Variants in SIAH3 observed in about 807,000 individuals in gnomAD.
SIAH3 encodes the protein seven in absentia homolog 3.
SIAH3 carries 9 observed loss-of-function variants against 12.6 expected under a neutral mutation model. That is an observed-to-expected ratio of 0.72 (90% CI 0.43 to 1.25). SIAH3 has a LOEUF of 1.25. SIAH3 is among the 50% of genes most tolerant of loss of function. The pLI is 0.00. For synonymous variants in SIAH3, 154 were observed against 151.1 expected (o/e 1.02, Z -0.14); for missense variants, 390 against 365.4 (o/e 1.07, Z -0.55).
At chr13:45,839,002 C>T (rs1189677804) in intron 1 of SIAH3, among the ~76,000 whole-genome samples, 1 of 151,944 alleles carries the variant, frequency 6.6e-6, no homozygotes, top group African/African-American at 2.4e-5. Flanking sequence ...TACCAGAAAC[C>T]AAGGTAGAAG....
chr13:45,840,865 G>T (rs571007668), intron 1 of SIAH3, among the ~76,000 whole-genome samples: 89 of 152,308 alleles, frequency 5.8e-4, no homozygotes, highest in Non-Finnish European at 9.4e-4. Flanking sequence ...TTTAAAAAAG[G>T]TTCTGCCACA....
chr13:45,814,019 A>G (rs1372548227), intron 1 of SIAH3, among the ~76,000 whole-genome samples: 1 of 152,094 alleles, frequency 6.6e-6, no homozygotes, highest in Non-Finnish European at 1.5e-5. Context: ...CAGGCGGATC[A>G]TGAGGCCAGG....
At chr13:45,848,489 G>A (rs1269738697) in intron 1 of SIAH3, among the ~76,000 whole-genome samples, 1 of 152,190 alleles carries the variant, frequency 6.6e-6, no homozygotes, top group Non-Finnish European at 1.5e-5. Flanking sequence ...TAGAAGGAAA[G>A]GCATCAGCTT....
Position 45,837,172 on chromosome 13 carries a change from A to AG in SIAH3, c.135+14322dup, listed in dbSNP as rs201905565. ...ACTCCCAAATCTTTTGGGGAGATCTAGGGGGCAAAGGAGGAAACCAATCTT... is the reference window on the plus strand; with the variant it reads ...ACTCCCAAATCTTTTGGGGAGATCTAGGGGGGCAAAGGAGGAAACCAATCTT... On this transcript the variant is annotated intron_variant, in intron 1 of 1. Coordinates refer to ENST00000400405, the MANE Select transcript of SIAH3 (RefSeq NM_198849.3). Among the ~76,000 whole-genome samples the AG allele has an allele frequency of 8.6e-3, 1,304 of 152,238 alleles. 22 individuals carry two copies. Among genetic ancestry groups the AG allele is most frequent in the African/African-American group, 0.029 (1,225 of 41,548 alleles).
At chr13:45,799,401 C>T (rs1014420944) in intron 1 of SIAH3, among the ~76,000 whole-genome samples, 2 of 152,142 alleles carry the variant, frequency 1.3e-5, no homozygotes, top group African/African-American at 4.8e-5. Flanking sequence ...TGGTGCAATC[C>T]ATTTAGAAGA....
intron 1 of SIAH3, among the ~76,000 whole-genome samples, chr13:45,829,993 C>T (rs1386547989): frequency 3.9e-5 from 6 of 152,150 alleles, no homozygotes; most frequent in Admixed American, 6.5e-5. Context: ...GAAGCATGAA[C>T]CATTTGTCTA....
At position 45,779,330 on chromosome 13, in the gene SIAH3, G is replaced by T. The variant is rs1222162426; in HGVS notation, c.*4053C>A. ...ACTGTACTTAATTAACAATCAGCTTGCAAAATTCCTGAAAGATTAACAACC... is the reference window on the plus strand; with the variant it reads ...ACTGTACTTAATTAACAATCAGCTTTCAAAATTCCTGAAAGATTAACAACC... On this transcript the variant is annotated 3_prime_UTR_variant, in exon 2 of 2. Coordinates refer to ENST00000400405, the MANE Select transcript of SIAH3 (RefSeq NM_198849.3). 1 of 152,036 alleles carries T rather than the reference G, an allele frequency of 6.6e-6. No homozygotes were observed. Among genetic ancestry groups the T allele is most frequent in the African/African-American group, 2.4e-5 (1 of 41,370 alleles). The allele number at this position is 152,036 out of a possible 1,614,324, so 9.4% of individuals were successfully genotyped here.
At chr13:45,851,382 C>G (rs1452511890) in intron 1 of SIAH3, 113 bp downstream of exon 1, 6 of 1,416,510 alleles carry the variant, frequency 4.2e-6, no homozygotes, top group Non-Finnish European at 4.9e-6. Context: ...CCGTCCCAGC[C>G]CCCGAGACCC....
chr13:45,816,654 G>T (rs544745785), intron 1 of SIAH3, among the ~76,000 whole-genome samples: 1 of 152,178 alleles, frequency 6.6e-6, no homozygotes, highest in Non-Finnish European at 1.5e-5. Flanking sequence ...TTGCTGCTGC[G>T]CTCAGGCTGC....
rs143225600 is a variant in SIAH3, at chr13:45,786,365, T to C, written c.136-2308A>G. Among the ~76,000 whole-genome samples, 1,053 of 152,344 alleles carry C rather than the reference T, an allele frequency of 6.9e-3. 20 individuals carry two copies. The highest frequency in any genetic ancestry group is 0.024 in the African/African-American group (1,009 of 41,576). ...CAACAATCAGGAGAGAAACATTTTA[T>C]GTTTGTCTTATAAATGAAGAAACAG... On this transcript the variant is annotated intron_variant, in intron 1 of 1. Transcript: ENST00000400405.
chr13:45,851,681 G>T lies in SIAH3; in HGVS notation c.-52C>A. 3 of 1,612,364 alleles carry T rather than the reference G, an allele frequency of 1.9e-6. No individual in the cohort carries two copies. The highest frequency in any genetic ancestry group is 2.5e-6 in the Non-Finnish European group (3 of 1,179,052). Reference sequence around the variant, plus strand: ...GGGAAGGCAGCGGAGGAAGCTGTGAGTCCTTGGGCCCTGGAAGGAGCGCAG... The same window carrying T: ...GGGAAGGCAGCGGAGGAAGCTGTGATTCCTTGGGCCCTGGAAGGAGCGCAG... On this transcript the variant is annotated 5_prime_UTR_variant, in exon 1 of 2. Coordinates refer to ENST00000400405, the MANE Select transcript of SIAH3 (RefSeq NM_198849.3).
chr13:45,804,745 G>T (rs912195868), intron 1 of SIAH3, among the ~76,000 whole-genome samples: 2 of 152,000 alleles, frequency 1.3e-5, no homozygotes, highest in African/African-American at 2.4e-5. Flanking sequence ...GGAAATAAAA[G>T]GTATCCAAAC....
intron 1 of SIAH3, among the ~76,000 whole-genome samples, chr13:45,785,498 G>C (rs2137548044): frequency 6.6e-6 from 1 of 152,332 alleles, no homozygotes; most frequent in African/African-American, 2.4e-5. Context: ...GAGCCAGCTA[G>C]CTTCCTTTCT....
intron 1 of SIAH3, among the ~76,000 whole-genome samples, chr13:45,837,719 C>T (rs561255767): frequency 6.4e-4 from 97 of 152,220 alleles, no homozygotes; most frequent in African/African-American, 1.9e-3. Flanking sequence ...TTATATTTAC[C>T]ATATTAATTC....
intron 1 of SIAH3, among the ~76,000 whole-genome samples, chr13:45,798,911 T>A (rs1210688009): frequency 1.3e-5 from 2 of 152,216 alleles, no homozygotes; most frequent in Non-Finnish European, 2.9e-5. Flanking sequence ...AACAAATTGG[T>A]GATGGCACTA....
At chr13:45,814,130 T>A (rs2137565928) in intron 1 of SIAH3, among the ~76,000 whole-genome samples, 1 of 150,104 alleles carries the variant, frequency 6.7e-6, no homozygotes, top group South Asian at 2.1e-4. Flanking sequence ...TCCCAGCTAC[T>A]CGGGAGGCTG....
rs73173798 is a variant in SIAH3 at position 45,817,513 on chromosome 13, G to A, written c.136-33456C>T. On this transcript the variant is annotated intron_variant, in intron 1 of 1. Coordinates refer to ENST00000400405, the MANE Select transcript of SIAH3 (RefSeq NM_198849.3). ...TAAATTAAGGATTTTGAGATGTGGA[G>A]ATATCCTGGATTCTATCCGGGTGGG... 9.8e-3 allele frequency among the ~76,000 whole-genome samples: 1,498 copies of A among 152,316 alleles called. 7 individuals are homozygous for A. Among genetic ancestry groups the A allele is most frequent in the Non-Finnish European group, 0.015 (1,031 of 68,018 alleles).
chr13:45,786,132 C>G (rs184403243), intron 1 of SIAH3, among the ~76,000 whole-genome samples: 60 of 152,318 alleles, frequency 3.9e-4, no homozygotes, highest in Admixed American at 1.3e-3. Context: ...TTTCTCCCCT[C>G]TCCTGGGATC....
At chr13:45,841,029 A>C (rs1043086735) in intron 1 of SIAH3, among the ~76,000 whole-genome samples, 3 of 152,178 alleles carry the variant, frequency 2.0e-5, no homozygotes, top group African/African-American at 7.2e-5. Context: ...GGTTGTTACT[A>C]TCATTATTGT....
Sources: gnomAD v4.1 joint callset for allele counts (sites outside exome capture counted in the v4.1 genomes callset) on GRCh38, gnomAD v4.1.1 for gene constraint, MANE v1.5 for transcripts, NCBI Gene and HGNC (gene_info 2026-07-23, HGNC 2026-07-21) for gene names.